Variants in UQCRC2 observed in about 807,000 individuals in gnomAD.
UQCRC2 encodes ubiquinol-cytochrome c reductase core protein 2.
In UQCRC2, 49 loss-of-function variants were observed where a neutral mutation model predicts 55.6. That is an observed-to-expected ratio of 0.88 (90% CI 0.70 to 1.12). The LOEUF (loss-of-function observed/expected upper bound fraction) is 1.12. Among genes scored for constraint, UQCRC2 ranks in the 50% most tolerant of loss-of-function variants. The pLI, the probability that UQCRC2 is intolerant of heterozygous loss-of-function variation, is 0.00. For missense variants in UQCRC2, 506 were observed against 547.8 expected, an observed-to-expected ratio of 0.92 and a Z score of 0.76; for synonymous variants, 193 against 192.0, an observed-to-expected ratio of 1.01 and a Z score of -0.04.
At chr16:21,972,233 G>A in intron 10 of UQCRC2, 111 bp downstream of exon 10, 2 of 1,382,210 alleles carry the variant, frequency 1.4e-6, no homozygotes, top group Non-Finnish European at 2.0e-6. Flanking sequence ...GAAAATCTTT[G>A]TACAATTGAA....
intron 13 of UQCRC2, among the ~76,000 whole-genome samples, chr16:21,981,569 T>C (rs530576986): frequency 2.5e-4 from 38 of 151,920 alleles, no homozygotes; most frequent in Non-Finnish European, 4.9e-4. Flanking sequence ...GACTGGGCAA[T>C]GTAGCAAAAC....
At position 21,959,501 on chromosome 16, in the gene UQCRC2, A is replaced by G. The variant is rs1161117043; in HGVS notation, c.332+902A>G. 2.6e-5 allele frequency: 4 copies of G among 156,376 alleles called. 1 individual carries two copies. Among genetic ancestry groups the G allele is most frequent in the Admixed American group, 1.9e-4 (3 of 15,490 alleles). 9.7% of individuals were successfully genotyped at this position (156,376 alleles called of 1,614,324 possible). A position where few individuals can be genotyped will look rare whatever the true frequency, so the allele number is the denominator to read the frequency against. On this transcript the variant is annotated intron_variant, in intron 4 of 13. Coordinates refer to ENST00000268379, the MANE Select transcript of UQCRC2 (RefSeq NM_003366.4). The stretch of plus-strand genomic sequence containing the variant: ...TTCTAGTTCTCTTGCTACTCCCACC[A>G]TAGTTGCAGTTTCTTCCCCCTCTGA...
At chr16:21,982,913 A>C (rs1477731447) in intron 13 of UQCRC2, among the ~76,000 whole-genome samples, 175 bp from the exon 14 acceptor site, 1 of 151,418 alleles carries the variant, frequency 6.6e-6, no homozygotes, top group Non-Finnish European at 1.5e-5. Flanking sequence ...GCAGTGAGCC[A>C]AGATCGCAGC....
chr16:21,970,376 C>T (rs920721471), intron 8 of UQCRC2, among the ~76,000 whole-genome samples: 8 of 152,128 alleles, frequency 5.3e-5, no homozygotes, highest in African/African-American at 1.9e-4. Flanking sequence ...GACTGTTTTC[C>T]AAAGTAGCTG....
chr16:21,953,477 T>C (rs1422052587), intron 1 of UQCRC2, 21 bp downstream of exon 1: 1 of 1,611,236 alleles, frequency 6.2e-7, no homozygotes, highest in African/African-American at 1.3e-5. Flanking sequence ...GTGGCGGGTT[T>C]GGGAAAGGGC....
rs1898042396 is a variant in UQCRC2, at chr16:21,953,372, T to A, written c.-52T>A. ...GGGAAACTCCCGGCCTCCGCCACCA[T>A]CTTGCTTTCCTTTAATCCGGCAGTG... is the stretch of plus-strand genomic sequence containing the variant. On this transcript the variant is annotated 5_prime_UTR_variant, in exon 1 of 14. Transcript: ENST00000268379. 2 of 1,604,308 alleles carry A rather than the reference T, an allele frequency of 1.2e-6. No individual in the cohort carries two copies. The highest frequency in any genetic ancestry group is 4.5e-5 in the East Asian group (2 of 44,632).
In UQCRC2 at chr16:21,973,964, A is replaced by G; in HGVS notation, c.1035A>G (p.Thr345=). The G allele has an allele frequency of 2.5e-6, 4 of 1,608,218 alleles. No homozygotes were observed. The highest frequency in any genetic ancestry group is 8.5e-7 in the Non-Finnish European group (1 of 1,178,650). Residue 345 remains threonine, a synonymous_variant, in exon 11 of 14, where the codon ACA becomes ACG. Transcript: ENST00000268379. ...LFGIYTISQA[T]AAGDVIKAAY... ...GGATTTATACTATCTCCCAGGCCAC[A>G]GCTGCTGGAGATGTAAGTTGCAAAC...
intron 10 of UQCRC2, among the ~76,000 whole-genome samples, chr16:21,972,702 C>G (rs572408099): frequency 1.3e-5 from 2 of 152,162 alleles, no homozygotes; most frequent in Non-Finnish European, 2.9e-5. Context: ...TGGTGAAACC[C>G]CCATCTCTCC....
chr16:21,957,813 A>G (rs1898115115), intron 3 of UQCRC2, among the ~76,000 whole-genome samples: 1 of 152,180 alleles, frequency 6.6e-6, no homozygotes, highest in African/African-American at 2.4e-5. Context: ...AGGTTCTAGG[A>G]AGGCACAAAT....
intron 12 of UQCRC2, among the ~76,000 whole-genome samples, chr16:21,979,488 C>G (rs951217332): frequency 6.6e-6 from 1 of 152,058 alleles, no homozygotes; most frequent in Non-Finnish European, 1.5e-5. Flanking sequence ...TAGTCTATTG[C>G]TCTTAGGCTA....
chr16:21,965,681 C>A, intron 7 of UQCRC2, 176 bp downstream of exon 7: 1 of 523,688 alleles, frequency 1.9e-6, no homozygotes, highest in South Asian at 2.8e-5. Context: ...ATTTTTGTGT[C>A]TCCTTTAAGA....
In UQCRC2 at chr16:21,962,781, T is replaced by A. The variant is rs1335585462; in HGVS notation, c.410T>A (p.Leu137Gln). Residue 137 changes from leucine to glutamine, a missense_variant, in exon 6 of 14, where the codon CTG becomes CAG. Coordinates refer to ENST00000268379, the MANE Select transcript of UQCRC2 (RefSeq NM_003366.4). ...RGDVDILMEF[L>Q]LNVTTAPEFR... ...TGTAGTGATATTCTAATGGAGTTCC[T>A]GCTCAATGTCACCACAGCACCAGAA... 6.2e-7 allele frequency: 1 copy of A among 1,614,176 alleles called. No individual in the cohort carries two copies. Among genetic ancestry groups the A allele is most frequent in the Admixed American group, 1.7e-5 (1 of 60,032 alleles).
Position 21,957,272 on chromosome 16 carries a change from C to G in UQCRC2, c.71C>G (p.Ala24Gly), listed in dbSNP as rs1898101450. 6.2e-7 allele frequency: 1 copy of G among 1,613,950 alleles called. No individual in the cohort carries two copies. Among genetic ancestry groups the G allele is most frequent in the South Asian group, 1.1e-5 (1 of 91,074 alleles). ...YSLKVAPKVK[A>G]TAAPAGAPPQ... ...CTCAAAGTTGCCCCCAAAGTTAAAG[C>G]CACAGCTGCGCCTGCAGGAGCACCG... Residue 24 changes from alanine (A) to glycine (G), a missense_variant, in exon 2 of 14, where the codon GCC (alanine) becomes GGC (glycine). Coordinates refer to ENST00000268379, the MANE Select transcript of UQCRC2 (RefSeq NM_003366.4).
At position 21,968,655 on chromosome 16, in the gene UQCRC2, A is replaced by G. The variant is rs544156901; in HGVS notation, c.640A>G (p.Thr214Ala). 1 of 1,609,722 alleles carries G rather than the reference A, an allele frequency of 6.2e-7. No homozygotes were observed. Among genetic ancestry groups the G allele is most frequent in the East Asian group, 2.2e-5 (1 of 44,656 alleles). The change falls in exon 8 of 14, where the codon ACA becomes GCA. Residue 214 changes from threonine to alanine, a missense_variant. Thr to Ala is a moderately conservative substitution (Grantham distance 58). Transcript: ENST00000268379. The stretch of plus-strand genomic sequence containing the variant: ...ACATTACTTCGTTCAGAACCATTTC[A>G]CAAGTGCAAGAATGGCTTTGATTGG... The part of the protein sequence containing the change: ...ELHYFVQNHF[T>A]SARMALIGLG...
chr16:21,962,177 G>C (rs2141931594), intron 4 of UQCRC2: 1 of 384,680 alleles, frequency 2.6e-6, no homozygotes, highest in Admixed American at 3.8e-5. Context: ...TACAATATTT[G>C]TCCCTTTGTG....
intron 8 of UQCRC2, among the ~76,000 whole-genome samples, chr16:21,970,857 A>AT (rs1898442753): frequency 6.6e-6 from 1 of 152,000 alleles, no homozygotes; most frequent in Non-Finnish European, 1.5e-5. Flanking sequence ...AACTGTTGGG[A>AT]TTACAGATGT....
At position 21,965,440 on chromosome 16, in the gene UQCRC2, C is replaced by A. The variant is rs374661051; in HGVS notation, c.547C>A (p.Arg183=). The A allele has an allele frequency of 1.4e-5, 22 of 1,613,750 alleles. No individual in the cohort carries two copies. Among genetic ancestry groups the A allele is most frequent in the Middle Eastern group, 3.3e-4 (2 of 6,080 alleles). The change falls in exon 7 of 14, where the codon CGG becomes AGG. Residue 183 remains arginine (R), a synonymous_variant. Transcript: ENST00000268379. ...TGAAAATTTGCATGCAGCAGCTTAC[C>A]GGAATGCCTTGGCTAATCCCTTGTA... ...VIENLHAAAY[R]NALANPLYCP...
At chr16:21,962,570 T>C in intron 5 of UQCRC2, 54 bp downstream of exon 5, 1 of 1,609,400 alleles carries the variant, frequency 6.2e-7, no homozygotes, top group Non-Finnish European at 8.5e-7. Context: ...ACTAAGCTGC[T>C]CACTTCTGGT....
At chr16:21,968,463 T>C in intron 7 of UQCRC2, 165 bp from the exon 8 acceptor site, 1 of 484,964 alleles carries the variant, frequency 2.1e-6, no homozygotes, top group Non-Finnish European at 3.5e-6. Flanking sequence ...ATAGTTTTTA[T>C]AATAAAATCC....
Sources: allele counts gnomAD v4.1 joint callset (sites outside exome capture counted in the v4.1 genomes callset), GRCh38; gene constraint gnomAD v4.1.1; transcripts MANE v1.5; gene names NCBI Gene and HGNC (gene_info 2026-07-23, HGNC 2026-07-21).